The following FAM135A variants were observed in gnomAD, a reference collection of about 807,000 sequenced individuals.
The protein encoded by FAM135A is family with sequence similarity 135 member A.
In FAM135A, 79 loss-of-function variants were observed where a neutral mutation model predicts 146.8. The ratio of observed to expected loss-of-function variants is 0.54; its 90% CI spans 0.45 to 0.65. The LOEUF is 0.65. Among genes scored for constraint, FAM135A ranks in the 30% least tolerant of loss-of-function variants. FAM135A has a pLI of 0.00. For missense variants in FAM135A, 1,623 were observed against 1,758.2 expected (o/e 0.92, Z 1.38); for synonymous variants, 562 against 603.6 (o/e 0.93, Z 1.01).
intron 20 of FAM135A, among the ~76,000 whole-genome samples, chr6:70,553,576 C>T (rs1205786523): frequency 1.3e-5 from 2 of 152,106 alleles, no homozygotes; most frequent in Non-Finnish European, 2.9e-5. Flanking sequence ...TAATCTGATA[C>T]TTTAAACAGG....
intron 2 of FAM135A, among the ~76,000 whole-genome samples, chr6:70,423,852 A>G (rs1439413843): frequency 6.6e-6 from 1 of 152,190 alleles, no homozygotes; most frequent in Non-Finnish European, 1.5e-5. Context: ...CATTAATCCA[A>G]GCTCACTGAG....
At chr6:70,539,573 T>C (rs914356505) in intron 20 of FAM135A, among the ~76,000 whole-genome samples, 1 of 152,176 alleles carries the variant, frequency 6.6e-6, no homozygotes. Flanking sequence ...TGCTTTCCAT[T>C]TCTAATTGCA....
At chr6:70,464,587 A>C (rs1780009091) in intron 5 of FAM135A, among the ~76,000 whole-genome samples, 3 of 152,062 alleles carry the variant, frequency 2.0e-5, no homozygotes. Context: ...TAATAACATT[A>C]AAGTGTAAAA....
intron 4 of FAM135A, 69 bp from the exon 5 acceptor site, chr6:70,452,423 T>C: frequency 2.7e-6 from 3 of 1,098,268 alleles, no homozygotes; most frequent in Non-Finnish European, 4.1e-6. Context: ...TGGATACAAA[T>C]GTGGAAGTCG....
At chr6:70,433,373 C>G (rs113350471) in intron 4 of FAM135A, among the ~76,000 whole-genome samples, 13,250 of 152,106 alleles carry the variant, frequency 0.087, 761 homozygotes, top group Non-Finnish European at 0.12. Flanking sequence ...CGCGCCCGGC[C>G]TTCAAGATAC....
intron 4 of FAM135A, among the ~76,000 whole-genome samples, chr6:70,441,533 T>C (rs1023671072): frequency 1.3e-5 from 2 of 152,182 alleles, no homozygotes; most frequent in African/African-American, 4.8e-5. Context: ...TGTTGCAGAC[T>C]CTTGTACATT....
chr6:70,441,744 G>A (rs186843613), intron 4 of FAM135A, among the ~76,000 whole-genome samples: 2 of 150,756 alleles, frequency 1.3e-5, no homozygotes, highest in Admixed American at 1.3e-4. Context: ...GAGTGCACTG[G>A]CGCCGTCTCA....
At chr6:70,542,167 A>G (rs1207021486) in intron 20 of FAM135A, among the ~76,000 whole-genome samples, 1 of 152,034 alleles carries the variant, frequency 6.6e-6, no homozygotes, top group East Asian at 1.9e-4. Flanking sequence ...TGTGGTATTC[A>G]CAGTGAAGTT....
chr6:70,560,931 T>G lies in FAM135A; in HGVS notation c.*1010T>G, dbSNP rs1801783923. 6.6e-6 allele frequency: 1 copy of G among 152,600 alleles called. No homozygotes were observed. The highest frequency in any genetic ancestry group is 1.5e-5 in the Non-Finnish European group (1 of 67,984). The allele number at this position is 152,600 out of a possible 1,614,324, so 9.5% of individuals were successfully genotyped here. ...AAATGTTTTTGATATATGGAGATGT[T>G]GAGTCTTTTGACTTTACTAAAGGTG... is the stretch of plus-strand genomic sequence containing the variant. On this transcript the variant is annotated 3_prime_UTR_variant, in exon 22 of 22. Coordinates refer to ENST00000418814, the MANE Select transcript of FAM135A (RefSeq NM_001162529.3).
Position 70,426,462 on chromosome 6 carries a change from C to G in FAM135A, c.-110C>G, listed in dbSNP as rs1164262280. On this transcript the variant is annotated 5_prime_UTR_variant, in exon 3 of 22. Coordinates refer to ENST00000418814, the MANE Select transcript of FAM135A (RefSeq NM_001162529.3). ...AGGGGGAACGGTGTATTTTTAACAACGGGAATCAGTAACTGGAAGTACAAG... is the reference window on the plus strand; with the variant it reads ...AGGGGGAACGGTGTATTTTTAACAAGGGGAATCAGTAACTGGAAGTACAAG... The G allele has an allele frequency of 6.6e-6, 1 of 151,886 alleles. No homozygotes were observed. Among genetic ancestry groups the G allele is most frequent in the African/African-American group, 2.4e-5 (1 of 41,328 alleles). The allele number at this position is 151,886 out of a possible 1,614,324, so 9.4% of individuals were successfully genotyped here.
intron 12 of FAM135A, among the ~76,000 whole-genome samples, chr6:70,519,153 A>G (rs1360015534): frequency 6.6e-6 from 1 of 152,210 alleles, no homozygotes; most frequent in African/African-American, 2.4e-5. Flanking sequence ...TCTAACCCTC[A>G]TAGGTAACTT....
intron 4 of FAM135A, among the ~76,000 whole-genome samples, chr6:70,447,362 A>G (rs1267190939): frequency 6.6e-6 from 1 of 152,246 alleles, no homozygotes; most frequent in Non-Finnish European, 1.5e-5. Context: ...GAACAGAAGT[A>G]GATATAACAA....
chr6:70,506,201 CT>C (rs1184911770), intron 12 of FAM135A, among the ~76,000 whole-genome samples: 1 of 152,042 alleles, frequency 6.6e-6, no homozygotes, highest in East Asian at 1.9e-4. Context: ...CACTGACATT[CT>C]TTTTTTGGAA....
At chr6:70,530,713 G>T (rs1328860264) in intron 16 of FAM135A, among the ~76,000 whole-genome samples, 1 of 152,022 alleles carries the variant, frequency 6.6e-6, no homozygotes, top group Non-Finnish European at 1.5e-5. Context: ...AGACTGAGCC[G>T]CTGCACTCTA....
chr6:70,419,341 C>T lies in FAM135A; in HGVS notation c.-134+3965C>T, dbSNP rs576505341. On this transcript the variant is annotated intron_variant, in intron 2 of 21. Transcript: ENST00000418814. The stretch of plus-strand genomic sequence containing the variant: ...GGCTGAGGCGGGAGAGTCACTTGAA[C>T]CTGGGAGGCAGAAGTTGGAGTGAGC... 9.2e-5 allele frequency among the ~76,000 whole-genome samples: 14 copies of T among 152,020 alleles called. No individual in the cohort carries two copies. The East Asian group carries it at 2.7e-3, about 29-fold the overall frequency.
chr6:70,504,544 T>C (rs760469246), intron 12 of FAM135A: 6 of 152,196 alleles, frequency 3.9e-5, no homozygotes, highest in Non-Finnish European at 8.8e-5. Flanking sequence ...ATGGAGATTT[T>C]TCAATAAATG....
At chr6:70,421,187 A>G (rs1275717815) in intron 2 of FAM135A, among the ~76,000 whole-genome samples, 1 of 152,106 alleles carries the variant, frequency 6.6e-6, no homozygotes, top group Admixed American at 6.6e-5. Context: ...CCTGGCCCAC[A>G]CTACTTTTTT....
At chr6:70,501,282 T>C (rs1300339186) in intron 11 of FAM135A, among the ~76,000 whole-genome samples, 1 of 152,086 alleles carries the variant, frequency 6.6e-6, no homozygotes, top group African/African-American at 2.4e-5. Flanking sequence ...CCTTCCAGCC[T>C]CCTTAGCACT....
chr6:70,491,165 C>A, intron 11 of FAM135A, 82 bp downstream of exon 11: 1 of 1,178,382 alleles, frequency 8.5e-7, no homozygotes, highest in East Asian at 2.5e-5. Flanking sequence ...TCTATGAAAA[C>A]TTAAAGTATT....
Sources: gnomAD v4.1 joint callset for allele counts (sites outside exome capture counted in the v4.1 genomes callset) on GRCh38, gnomAD v4.1.1 for gene constraint, MANE v1.5 for transcripts, NCBI Gene and HGNC (gene_info 2026-07-23, HGNC 2026-07-21) for gene names.